The following CLDN16 variants were observed in gnomAD, a reference collection of about 807,000 sequenced individuals.
CLDN16 encodes claudin-16.
Under a neutral mutation model 24.6 loss-of-function variants are expected in CLDN16, and 13 were observed. The observed-to-expected ratio is 0.53, with a 90% CI of 0.34 to 0.84. CLDN16 has a LOEUF of 0.84. Among genes scored for constraint, CLDN16 ranks in the 40% least tolerant of loss-of-function variants. CLDN16 has a pLI of 0.01. For missense variants in CLDN16, 298 were observed against 292.7 expected, an observed-to-expected ratio of 1.02 and a Z score of -0.13; for synonymous variants, 116 against 106.7, an observed-to-expected ratio of 1.09 and a Z score of -0.54.
upstream of CLDN16, chr3:190,387,989 C>G (rs1365257989): frequency 2.4e-6 from 2 of 827,238 alleles, no homozygotes; most frequent in African/African-American, 1.7e-5. Flanking sequence ...GGCACTGGCA[C>G]TTGGTCTGGT....
At chr3:190,304,635 G>A in the CLDN16 span, among the ~76,000 whole-genome samples, 1 of 152,068 alleles carries the variant, frequency 6.6e-6, no homozygotes, top group Non-Finnish European at 1.5e-5. Context: ...TTCTATCAAA[G>A]TTGCATGATA....
intron 3 of CLDN16, among the ~76,000 whole-genome samples, chr3:190,380,240 C>CCCTCCCTTCCTTCCTT (rs1417978876): frequency 0.13 from 6,145 of 47,880 alleles, 1,827 homozygotes; most frequent in East Asian, 0.5. Context: ...TTCCTTCCCT[C>CCCTCCCTTCCTTCCTT]CCTTCCTTCC....
At position 190,395,016 on chromosome 3, in the gene CLDN16, A is replaced by G. The variant is rs9290932; in HGVS notation, c.114+6573A>G. On this transcript the variant is annotated intron_variant, in intron 1 of 4. Coordinates refer to ENST00000264734, the MANE Select transcript of CLDN16 (RefSeq NM_006580.4). ...AAACAGAGAGAAAAAAGAAATTGATAATTTGTAATAATTTACTCAACATAA... is the reference window on the plus strand; with the variant it reads ...AAACAGAGAGAAAAAAGAAATTGATGATTTGTAATAATTTACTCAACATAA... Among the ~76,000 whole-genome samples, 637 of 152,222 alleles carry G rather than the reference A, an allele frequency of 4.2e-3. 6 individuals are homozygous for G. Among genetic ancestry groups the G allele is most frequent in the African/African-American group, 0.015 (621 of 41,554 alleles).
chr3:190,321,910 A>G (rs1716931702), upstream of CLDN16: 2 of 1,089,840 alleles, frequency 1.8e-6, no homozygotes, highest in Admixed American at 3.4e-5. Context: ...ATCACACAAC[A>G]GAATGAGCCC....
chr3:190,295,462 A>G, the CLDN16 span, among the ~76,000 whole-genome samples: 1 of 152,108 alleles, frequency 6.6e-6, no homozygotes, highest in African/African-American at 2.4e-5. Flanking sequence ...ACTCCCTCAC[A>G]GTGAGGTGGC....
intron 1 of CLDN16, among the ~76,000 whole-genome samples, chr3:190,347,198 T>C (rs1240352163): frequency 6.6e-6 from 1 of 152,098 alleles, no homozygotes; most frequent in African/African-American, 2.4e-5. Flanking sequence ...ATGGTGGCAA[T>C]GGGGATGGCA....
chr3:190,407,005 G>T (rs908250453), intron 3 of CLDN16, among the ~76,000 whole-genome samples: 1 of 152,050 alleles, frequency 6.6e-6, no homozygotes, highest in Non-Finnish European at 1.5e-5. Context: ...CCCCCAAAGC[G>T]CTGGGATTAC....
At chr3:190,390,828 C>T (rs1718635786) in intron 1 of CLDN16, among the ~76,000 whole-genome samples, 1 of 152,066 alleles carries the variant, frequency 6.6e-6, no homozygotes, top group African/African-American at 2.4e-5. Flanking sequence ...CGCTGTCACC[C>T]AGGATAGAGT....
At chr3:190,327,811 G>T (rs1717099899) in intron 1 of CLDN16, among the ~76,000 whole-genome samples, 1 of 152,174 alleles carries the variant, frequency 6.6e-6, no homozygotes, top group African/African-American at 2.4e-5. Flanking sequence ...GTAACTAACG[G>T]AATTAGTGAA....
At chr3:190,391,165 A>G (rs1037031862) in intron 1 of CLDN16, among the ~76,000 whole-genome samples, 2 of 150,696 alleles carry the variant, frequency 1.3e-5, no homozygotes, top group African/African-American at 4.9e-5. Context: ...AAAAAGGAAT[A>G]CCAATAGACA....
intron 1 of CLDN16, among the ~76,000 whole-genome samples, chr3:190,343,230 G>A (rs1717476904): frequency 6.6e-6 from 1 of 152,000 alleles, no homozygotes; most frequent in Admixed American, 6.5e-5. Context: ...CTAATAATCA[G>A]GAAAATAGAT....
intron 1 of CLDN16, among the ~76,000 whole-genome samples, chr3:190,350,447 G>A (rs914499265): frequency 2.0e-5 from 3 of 151,738 alleles, no homozygotes; most frequent in African/African-American, 7.3e-5. Context: ...GAGTCAATGT[G>A]TATTTTGAAA....
At position 190,377,821 on chromosome 3, in the gene CLDN16, G is replaced by C. The variant is rs145290045; in HGVS notation, n.306+3218G>C. Among the ~76,000 whole-genome samples, 291 of 151,988 alleles carry C rather than the reference G, an allele frequency of 1.9e-3. 1 individual carries two copies. The highest frequency in any genetic ancestry group is 6.8e-3 in the African/African-American group (280 of 41,442). ...AAGTGTAAAGAAGGTTTGAGTCTTA[G>C]GTTTCTCGTTAACAGCTGTCATCCT... On this transcript the variant is annotated intron_variant and non_coding_transcript_variant, in intron 3 of 4. Transcript: ENST00000468220.
At position 190,405,151 on chromosome 3, in the gene CLDN16, C is replaced by A. The variant is rs147944406; in HGVS notation, c.382+225C>A. 4.5e-3 allele frequency among the ~76,000 whole-genome samples: 678 copies of A among 152,146 alleles called. 9 individuals carry two copies. The highest frequency in any genetic ancestry group is 0.015 in the African/African-American group (609 of 41,462). ...AGAACAAAATATGAAGCTCTCAGGC[C>A]GGGTGTGGTGGCTTATGCCTATATT... On this transcript the variant is annotated intron_variant, in intron 3 of 4. Transcript: ENST00000264734.
intron 1 of CLDN16, among the ~76,000 whole-genome samples, chr3:190,351,253 G>T (rs1185840747): frequency 6.6e-6 from 1 of 152,088 alleles, no homozygotes; most frequent in African/African-American, 2.4e-5. Flanking sequence ...AGAACCATGA[G>T]CCAAAAAACC....
At chr3:190,384,492 A>C (rs1718439946), upstream of CLDN16, among the ~76,000 whole-genome samples, 1 of 152,170 alleles carries the variant, frequency 6.6e-6, no homozygotes, top group South Asian at 2.1e-4. Flanking sequence ...GGTGTCACTC[A>C]ACTGATCGCC....
chr3:190,344,560 T>A (rs1211549777), intron 1 of CLDN16, among the ~76,000 whole-genome samples: 2 of 151,912 alleles, frequency 1.3e-5, no homozygotes, highest in African/African-American at 2.4e-5. Context: ...TTTGTATAAA[T>A]GTGAAAATAT....
intron 1 of CLDN16, among the ~76,000 whole-genome samples, chr3:190,369,760 G>A (rs910562088): frequency 2.6e-5 from 4 of 151,698 alleles, no homozygotes; most frequent in African/African-American, 9.7e-5. Context: ...CTTATCTTTA[G>A]GGAAAACAGT....
the CLDN16 span, chr3:190,305,600 C>T: frequency 6.6e-6 from 1 of 152,120 alleles, no homozygotes; most frequent in African/African-American, 2.4e-5. Flanking sequence ...CCAGAGGCAT[C>T]ATAGTTCTTT....
Sources: allele counts gnomAD v4.1 joint callset (sites outside exome capture counted in the v4.1 genomes callset), GRCh38; gene constraint gnomAD v4.1.1; transcripts MANE v1.5; gene names NCBI Gene and HGNC (gene_info 2026-07-23, HGNC 2026-07-21).